The following ESYT3 variants were observed in gnomAD, a reference collection of about 807,000 sequenced individuals.
The protein encoded by ESYT3 is extended synaptotagmin-3.
Under a neutral mutation model 111.5 loss-of-function variants are expected in ESYT3, and 101 were observed. The ratio of observed to expected loss-of-function variants is 0.91; its 90% CI spans 0.77 to 1.07. The LOEUF (loss-of-function observed/expected upper bound fraction) is 1.07, where lower values mean the gene tolerates loss of function less well. Among genes scored for constraint, ESYT3 ranks in the 50% least tolerant of loss-of-function variants. The pLI, the probability that ESYT3 is intolerant of heterozygous loss-of-function variation, is 0.00. For synonymous variants in ESYT3, 416 were observed against 446.8 expected, an observed-to-expected ratio of 0.93 and a Z score of 0.87; for missense variants, 1,097 against 1,109.4, an observed-to-expected ratio of 0.99 and a Z score of 0.16.
chr3:138,474,467 C>A, intron 20 of ESYT3, 115 bp downstream of exon 20: 1 of 1,204,166 alleles, frequency 8.3e-7, no homozygotes, highest in Non-Finnish European at 1.1e-6. Context: ...CTGAACAAGA[C>A]AACATAGTCT....
At position 138,457,626 on chromosome 3, in the gene ESYT3, C is replaced by T; in HGVS notation, c.563C>T (p.Thr188Ile). 1.2e-6 allele frequency: 2 copies of T among 1,614,158 alleles called. No individual in the cohort carries two copies. Among genetic ancestry groups the T allele is most frequent in the East Asian group, 4.5e-5 (2 of 44,878 alleles). Residue 188 changes from threonine to isoleucine, a missense_variant, in exon 4 of 23, where the codon ACT becomes ATT. Coordinates refer to ENST00000389567, the MANE Select transcript of ESYT3 (RefSeq NM_031913.5). ...AATACGTGCAACCGAAGACGTGTGA[C>T]TGTGGACCTGCAGATCTGGTGAGCT... ...HTNTCNRRRV[T>I]VDLQICYIGD...
Position 138,460,660 on chromosome 3 carries a change from G to C in ESYT3, c.788G>C (p.Gly263Ala), listed in dbSNP as rs762199221. ...CTGACCAACCTGCTGGATGCGCCGGGAATCAAGTAGGTGCCTGGGAGAGCC... is the reference window on the plus strand; with the variant it reads ...CTGACCAACCTGCTGGATGCGCCGGCAATCAAGTAGGTGCCTGGGAGAGCC... Reference protein sequence around the residue: ...TGLTNLLDAPGINDVSDSLLE... With the variant: ...TGLTNLLDAPAINDVSDSLLE... The change falls in exon 7 of 23, where the codon GGA (glycine) becomes GCA (alanine). Residue 263 changes from glycine to alanine, a missense_variant. By Grantham distance (60) the Gly-to-Ala change is moderately conservative (BLOSUM62 0). Coordinates refer to ENST00000389567, the MANE Select transcript of ESYT3 (RefSeq NM_031913.5). 3.7e-6 allele frequency: 6 copies of C among 1,613,956 alleles called. No homozygotes were observed. The highest frequency in any genetic ancestry group is 1.1e-5 in the South Asian group (1 of 91,076).
rs370260600 is a variant in ESYT3, at chr3:138,468,054, A to G, written c.1219-51A>G. 27 of 1,530,682 alleles carry G rather than the reference A, an allele frequency of 1.8e-5. No homozygotes were observed. The African/African-American group carries it at 3.7e-4, about 21-fold the overall frequency. The allele number at this position is 1,530,682 out of a possible 1,614,324, so 94.8% of individuals were successfully genotyped here. ...AGGACTGGGCTGCCCAGAGAGCATC[A>G]GTAGCATCTCCCTGGCCCTTTTCCC... On this transcript the variant is annotated intron_variant, in intron 11 of 22. Transcript: ENST00000389567.
At position 138,464,674 on chromosome 3, in the gene ESYT3, C is replaced by T. The variant is rs565135570; in HGVS notation, c.1086+159C>T. On this transcript the variant is annotated intron_variant, in intron 9 of 22. Coordinates refer to ENST00000389567, the MANE Select transcript of ESYT3 (RefSeq NM_031913.5). ...AGGCTTCCAGACTGGGTTACTCTGG[C>T]CCGACTAAAGGGCCAGCCTGAAGGC... 4.6e-5 allele frequency among the ~76,000 whole-genome samples: 7 copies of T among 152,264 alleles called. No homozygotes were observed. The South Asian group carries it at 1.5e-3, about 32-fold the overall frequency.
intron 2 of ESYT3, 101 bp from the exon 3 acceptor site, chr3:138,455,093 C>T: frequency 2.8e-6 from 4 of 1,437,312 alleles, no homozygotes; most frequent in South Asian, 2.6e-5. Context: ...ACCCCCACCC[C>T]AAGACCAGGC....
At chr3:138,468,791 C>G in intron 13 of ESYT3, 28 bp from the exon 14 acceptor site, 2 of 1,614,136 alleles carry the variant, frequency 1.2e-6, no homozygotes, top group Non-Finnish European at 1.7e-6. Context: ...TCCTGTGTTG[C>G]TTTAACCCCG....
At chr3:138,436,956 C>T (rs1052500191) in intron 1 of ESYT3, among the ~76,000 whole-genome samples, 30 of 151,796 alleles carry the variant, frequency 2.0e-4, no homozygotes, top group African/African-American at 7.3e-4. Flanking sequence ...GACACCCTCC[C>T]TGCCTCTCCC....
At chr3:138,462,063 A>G (rs1395407872) in intron 7 of ESYT3, 23 bp from the exon 8 acceptor site, 2 of 1,613,682 alleles carry the variant, frequency 1.2e-6, no homozygotes, top group South Asian at 2.2e-5. Context: ...ACCCCTCCAC[A>G]GCTGGTCCTG....
At chr3:138,474,081 C>G in intron 19 of ESYT3, 140 bp from the exon 20 acceptor site, 2 of 1,108,078 alleles carry the variant, frequency 1.8e-6, no homozygotes, top group South Asian at 3.1e-5. Flanking sequence ...TTAAGCGTAT[C>G]TAATGCTGAA....
chr3:138,452,994 G>C (rs940875617), intron 2 of ESYT3, among the ~76,000 whole-genome samples: 6 of 152,208 alleles, frequency 3.9e-5, no homozygotes, highest in Non-Finnish European at 8.8e-5. Flanking sequence ...TGAGGCAGGA[G>C]GATCGTTTCA....
intron 1 of ESYT3, among the ~76,000 whole-genome samples, chr3:138,443,682 T>G (rs1227930038): frequency 6.6e-6 from 1 of 152,140 alleles, no homozygotes; most frequent in Non-Finnish European, 1.5e-5. Flanking sequence ...TGCGGATGTG[T>G]CTGTTTAGTT....
At chr3:138,454,492 G>A (rs564890368) in intron 2 of ESYT3, among the ~76,000 whole-genome samples, 1 of 152,294 alleles carries the variant, frequency 6.6e-6, no homozygotes, top group East Asian at 1.9e-4. Context: ...AGGAGGTGGA[G>A]GTTGCAGTGA....
In ESYT3 at chr3:138,459,942, C is replaced by T; in HGVS notation, c.649-3C>T. On this transcript the variant is annotated splice_polypyrimidine_tract_variant and splice_region_variant and intron_variant, in intron 5 of 22. Coordinates refer to ENST00000389567, the MANE Select transcript of ESYT3 (RefSeq NM_031913.5). ...CCCTCACGGGCCCTCTGTGCCTATC[C>T]AGTTGCAGGGCACCCTGCGGGTCAT... 1 of 1,613,564 alleles carries T rather than the reference C, an allele frequency of 6.2e-7. No individual in the cohort carries two copies. Among genetic ancestry groups the T allele is most frequent in the South Asian group, 1.1e-5 (1 of 91,052 alleles).
chr3:138,456,159 A>G (rs979572219), intron 3 of ESYT3, among the ~76,000 whole-genome samples: 3 of 152,208 alleles, frequency 2.0e-5, no homozygotes, highest in Admixed American at 1.3e-4. Flanking sequence ...CTGCCATTCA[A>G]ACTGGCTTGT....
intron 1 of ESYT3, among the ~76,000 whole-genome samples, chr3:138,449,876 C>T (rs1387052780): frequency 1.3e-5 from 2 of 152,192 alleles, no homozygotes; most frequent in South Asian, 2.1e-4. Flanking sequence ...TTATTAAGAC[C>T]TTCATATGTT....
Position 138,460,646 on chromosome 3 carries a change from G to A in ESYT3, c.774G>A (p.Leu258=). ...TCAACTGGACTGGCCTGACCAACCT[G>A]CTGGATGCGCCGGGAATCAAGTAGG... ...LQINWTGLTN[L]LDAPGINDVS... The change falls in exon 7 of 23, where the codon CTG becomes CTA. Residue 258 remains leucine, a synonymous_variant. Transcript: ENST00000389567. The A allele has an allele frequency of 6.2e-7, 1 of 1,614,090 alleles. No individual in the cohort carries two copies. Among genetic ancestry groups the A allele is most frequent in the Non-Finnish European group, 8.5e-7 (1 of 1,179,944 alleles).
intron 14 of ESYT3, chr3:138,469,194 G>A: frequency 1.7e-6 from 1 of 593,466 alleles, no homozygotes; most frequent in Non-Finnish European, 3.0e-6. Flanking sequence ...CCTGTGCCTG[G>A]CCAGGCCCAG....
At chr3:138,459,508 C>T (rs113735078) in intron 5 of ESYT3, among the ~76,000 whole-genome samples, 61 of 152,308 alleles carry the variant, frequency 4.0e-4, no homozygotes, top group African/African-American at 1.4e-3. Context: ...GCTTTGGCTG[C>T]CTGGCGAGGA....
chr3:138,436,012 T>C (rs12631438), intron 1 of ESYT3, among the ~76,000 whole-genome samples: 24,856 of 151,758 alleles, frequency 0.16, 3,484 homozygotes, highest in East Asian at 0.38. Flanking sequence ...ACGGGGGAGG[T>C]CGCCAGACCC....
Sources: gnomAD v4.1 joint callset for allele counts (sites outside exome capture counted in the v4.1 genomes callset) on GRCh38, gnomAD v4.1.1 for gene constraint, MANE v1.5 for transcripts, NCBI Gene and HGNC (gene_info 2026-07-23, HGNC 2026-07-21) for gene names.